Variants in WNK2 observed in about 807,000 individuals in gnomAD.
The protein encoded by WNK2 is serine/threonine-protein kinase WNK2.
A neutral mutation model predicts 192.1 loss-of-function variants in WNK2; 67 were observed. That is an observed-to-expected ratio of 0.35 (90% CI 0.29 to 0.43). The LOEUF is 0.43. Among genes scored for constraint, WNK2 ranks in the 20% least tolerant of loss-of-function variants. WNK2 has a pLI of 1.00. For synonymous variants in WNK2, 1,439 were observed against 1,393.9 expected (o/e 1.03, Z -0.72); for missense variants, 2,698 against 3,089.7 (o/e 0.87, Z 3.01).
intron 16 of WNK2, among the ~76,000 whole-genome samples, chr9:93,265,976 C>T (rs1328615268): frequency 6.6e-6 from 1 of 152,202 alleles, no homozygotes; most frequent in Non-Finnish European, 1.5e-5. Flanking sequence ...TCGGATACTC[C>T]TCTCATTTTA....
chr9:93,263,641 G>A lies in WNK2; in HGVS notation c.3486G>A (p.Leu1162=). 1.2e-6 allele frequency: 2 copies of A among 1,605,882 alleles called. No homozygotes were observed. The highest frequency in any genetic ancestry group is 1.7e-6 in the Non-Finnish European group (2 of 1,177,986). Residue 1162 remains leucine (L), a synonymous_variant, in exon 15 of 30, where the codon CTG becomes CTA. Coordinates refer to ENST00000427277, the MANE Select transcript of WNK2 (RefSeq NM_006648.4). The part of the protein sequence containing the change: ...SCEGAFGGGR[L]EGRAARKHHR... ...AAGGCGCCTTTGGAGGGGGCAGGCT[G>A]GAGGGCAGGGCAGCCCGAAAACACC...
chr9:93,223,836 C>T (rs997201580), intron 2 of WNK2, among the ~76,000 whole-genome samples: 1 of 152,164 alleles, frequency 6.6e-6, no homozygotes, highest in Non-Finnish European at 1.5e-5. Context: ...GACACCCTCC[C>T]GGGGGTGGAG....
rs1241597721 is a variant in WNK2, at chr9:93,290,052, C to T, written c.4936+5C>T. On this transcript the variant is annotated splice_donor_5th_base_variant and intron_variant, in intron 21 of 29. Coordinates refer to ENST00000427277, the MANE Select transcript of WNK2 (RefSeq NM_006648.4). ...GCACGTCCTCGTCAATGACAGGTAACAGCTTCCTGCTGAACCCTGCGTTCA... is the reference window on the plus strand; with the variant it reads ...GCACGTCCTCGTCAATGACAGGTAATAGCTTCCTGCTGAACCCTGCGTTCA... 5.8e-6 allele frequency: 9 copies of T among 1,562,306 alleles called. No individual in the cohort carries two copies. The highest frequency in any genetic ancestry group is 7.8e-6 in the Non-Finnish European group (9 of 1,152,684).
At position 93,297,944 on chromosome 9, in the gene WNK2, G is replaced by A. The variant is rs757373762; in HGVS notation, c.5800G>A (p.Val1934Met). Residue 1934 changes from valine to methionine, a missense_variant, in exon 24 of 30, where the codon GTG (valine) becomes ATG (methionine). By Grantham distance (21) the Val-to-Met change is conservative. This residue lies in a region of WNK2 where 1,098 missense variants were observed against 1,101.0 expected (regional missense o/e 1.00). Transcript: ENST00000427277. Reference protein sequence around the residue: ...RRLGKPLPPNVGFFHTAPPTG... With the variant: ...RRLGKPLPPNMGFFHTAPPTG... ...CCTGGGCAAGCCACTGCCCCCCAAC[G>A]TGGGCTTCTTCCACACGGCACCCCC... 50 of 1,586,934 alleles carry A rather than the reference G, an allele frequency of 3.2e-5. No individual in the cohort carries two copies. Among genetic ancestry groups the A allele is most frequent in the East Asian group, 2.1e-4 (9 of 43,230 alleles).
intron 2 of WNK2, among the ~76,000 whole-genome samples, chr9:93,202,160 A>G (rs1457804352): frequency 6.6e-6 from 1 of 152,108 alleles, no homozygotes; most frequent in East Asian, 1.9e-4. Flanking sequence ...ACCATACAAG[A>G]TGGCTCTGTG....
intron 20 of WNK2, 102 bp from the exon 21 acceptor site, chr9:93,289,876 C>T (rs556425678): frequency 5.7e-6 from 7 of 1,237,604 alleles, no homozygotes; most frequent in Non-Finnish European, 6.8e-6. Context: ...TGGGGCAGCC[C>T]AGGGGCAGCT....
intron 9 of WNK2, among the ~76,000 whole-genome samples, chr9:93,253,665 G>A (rs1842897739): frequency 6.6e-6 from 1 of 152,302 alleles, no homozygotes; most frequent in African/African-American, 2.4e-5. Context: ...CGGGGATGAG[G>A]GGAACACTTT....
intron 2 of WNK2, among the ~76,000 whole-genome samples, chr9:93,205,436 A>G (rs933818511): frequency 6.6e-6 from 1 of 152,158 alleles, no homozygotes. Context: ...GCTTAGCCCT[A>G]TCCTGGGCCC....
chr9:93,204,898 C>G (rs1456059875), intron 2 of WNK2, among the ~76,000 whole-genome samples: 3 of 152,172 alleles, frequency 2.0e-5, no homozygotes, highest in African/African-American at 7.2e-5. Context: ...TCCTGCCTGG[C>G]CCTGGGTGAG....
At chr9:93,307,986 G>T (rs1852917684) in intron 27 of WNK2, 2 of 337,140 alleles carry the variant, frequency 5.9e-6, no homozygotes, top group South Asian at 8.8e-5. Context: ...GTCTGGCTGT[G>T]CCAGGAGTTT....
intron 29 of WNK2, chr9:93,318,148 G>C: frequency 6.6e-7 from 1 of 1,515,382 alleles, no homozygotes; most frequent in Non-Finnish European, 8.8e-7. Context: ...GTTCCCTGAT[G>C]AAAAGATATG....
intron 19 of WNK2, among the ~76,000 whole-genome samples, chr9:93,285,170 T>G (rs1931364): frequency 6.6e-6 from 1 of 152,094 alleles, no homozygotes; most frequent in Non-Finnish European, 1.5e-5. Flanking sequence ...TTCCAAGGAA[T>G]ACATTTGCTA....
chr9:93,305,466 C>G (rs1405849029), intron 26 of WNK2, among the ~76,000 whole-genome samples: 1 of 152,226 alleles, frequency 6.6e-6, no homozygotes, highest in African/African-American at 2.4e-5. Flanking sequence ...AGCTGCTCAC[C>G]CAGAGCCCAC....
intron 2 of WNK2, among the ~76,000 whole-genome samples, chr9:93,199,615 T>C (rs571967681): frequency 1.1e-4 from 17 of 152,180 alleles, no homozygotes; most frequent in Non-Finnish European, 1.9e-4. Context: ...CACAAAGCTG[T>C]GGGCCGGGTG....
At chr9:93,199,672 G>A (rs1223798908) in intron 2 of WNK2, among the ~76,000 whole-genome samples, 2 of 152,134 alleles carry the variant, frequency 1.3e-5, no homozygotes, top group Non-Finnish European at 2.9e-5. Context: ...GCCGAGGCGG[G>A]TGGATCACGA....
chr9:93,255,965 C>G (rs1843223955), intron 9 of WNK2, among the ~76,000 whole-genome samples: 1 of 152,214 alleles, frequency 6.6e-6, no homozygotes, highest in Non-Finnish European at 1.5e-5. Flanking sequence ...TGGTCACAGT[C>G]ATATGGACCG....
At chr9:93,253,200 A>G (rs1842835977) in intron 9 of WNK2, 118 bp downstream of exon 9, 7 of 930,346 alleles carry the variant, frequency 7.5e-6, no homozygotes, top group Non-Finnish European at 8.5e-6. Flanking sequence ...GGTCAGCATT[A>G]AAAGTGGCCT....
chr9:93,215,860 G>A (rs1835648719), intron 2 of WNK2, among the ~76,000 whole-genome samples: 1 of 151,902 alleles, frequency 6.6e-6, no homozygotes, highest in African/African-American at 2.4e-5. Context: ...CATCATTTTG[G>A]TCTTGTCTCC....
At chr9:93,268,548 C>G in intron 18 of WNK2, 79 bp from the exon 19 acceptor site, 1 of 1,552,944 alleles carries the variant, frequency 6.4e-7, no homozygotes, top group Non-Finnish European at 8.7e-7. Flanking sequence ...TGTGGCAAGT[C>G]TGGTGCAGGT....
Sources: allele counts gnomAD v4.1 joint callset (sites outside exome capture counted in the v4.1 genomes callset), GRCh38; gene constraint gnomAD v4.1.1; regional missense constraint gnomAD v4.1.1; transcripts MANE v1.5; gene names NCBI Gene and HGNC (gene_info 2026-07-23, HGNC 2026-07-21).